SMARCA4: variants seen among roughly 807,000 people sequenced by gnomAD.
SMARCA4 encodes the protein SWI/SNF-related matrix-associated actin-dependent regulator of chromatin subfamily A member 4.
In SMARCA4, 31 loss-of-function variants were observed where a neutral mutation model predicts 193.9. The observed-to-expected ratio is 0.16, with a 90% CI of 0.12 to 0.22. SMARCA4 has a LOEUF of 0.22. SMARCA4 is among the 10% of genes least tolerant of loss of function. The pLI, the probability that SMARCA4 is intolerant of heterozygous loss-of-function variation, is 1.00. For missense variants in SMARCA4, 1,148 were observed against 2,296.0 expected, an observed-to-expected ratio of 0.50 and a Z score of 10.22; for synonymous variants, 942 against 933.1, an observed-to-expected ratio of 1.01 and a Z score of -0.17.
chr19:11,019,569 G>C lies in SMARCA4; in HGVS notation c.2506-22G>C, dbSNP rs1032557247. 2.6e-6 allele frequency: 4 copies of C among 1,562,430 alleles called. No homozygotes were observed. The African/African-American group carries it at 5.4e-5, about 21-fold the overall frequency. On this transcript the variant is annotated intron_variant, in intron 17 of 34. Coordinates refer to ENST00000344626, the MANE Select transcript of SMARCA4 (RefSeq NM_003072.5). The surrounding 1 kb of genome is among the most constrained non-coding windows in gnomAD (Gnocchi z 6.1). Reference sequence around the variant, plus strand: ...GCCACCCGGCTCCAAAAGCCGAGCTGTGCATCCTGCTTCCCTTGCAGGGAT... The same window carrying C: ...GCCACCCGGCTCCAAAAGCCGAGCTCTGCATCCTGCTTCCCTTGCAGGGAT...
chr19:11,024,689 C>A (rs773160992), intron 21 of SMARCA4, among the ~76,000 whole-genome samples: 51 of 152,182 alleles, frequency 3.4e-4, no homozygotes, highest in Non-Finnish European at 6.6e-4. Context: ...GCACTAACCC[C>A]AGCAGGGTTA....
rs926355262 is a variant in SMARCA4 at position 10,984,508 on chromosome 19, C to A, written c.222+135C>A. On this transcript the variant is annotated intron_variant, in intron 2 of 34. Coordinates refer to ENST00000344626, the MANE Select transcript of SMARCA4 (RefSeq NM_003072.5). This position sits in a 1 kb window ranked among gnomAD's most constrained non-coding sequence, Gnocchi z 4.3. The stretch of plus-strand genomic sequence containing the variant: ...GAGGTGTCCTGCCTTGGCTCAGCCC[C>A]CTACCCCAGGGCCCACGGCCATGAA... The A allele has an allele frequency of 1.7e-5, 25 of 1,468,644 alleles. No individual in the cohort carries two copies. The highest frequency in any genetic ancestry group is 7.5e-5 in the South Asian group (6 of 79,794). The allele number at this position is 1,468,644 out of a possible 1,614,324, so 91.0% of individuals were successfully genotyped here. A position where few individuals can be genotyped will look rare whatever the true frequency, so the allele number is the denominator to read the frequency against.
intron 13 of SMARCA4, among the ~76,000 whole-genome samples, chr19:11,007,371 A>G (rs1158657208): frequency 2.0e-5 from 3 of 150,058 alleles, no homozygotes; most frequent in Admixed American, 6.7e-5. Flanking sequence ...TGGAGGTTGC[A>G]CTGCGCCGAG....
At chr19:10,989,929 C>G (rs1480055957) in intron 7 of SMARCA4, among the ~76,000 whole-genome samples, 1 of 151,988 alleles carries the variant, frequency 6.6e-6, no homozygotes, top group African/African-American at 2.4e-5. Context: ...AACTCTTGAC[C>G]TCAAATGATC....
chr19:11,029,479 A>T (rs1026569138), intron 24 of SMARCA4, among the ~76,000 whole-genome samples: 6 of 152,220 alleles, frequency 3.9e-5, no homozygotes, highest in African/African-American at 1.4e-4. Flanking sequence ...GTCTCCTGAG[A>T]CTGCATCTCC....
At chr19:11,035,662 T>C (rs12460706) in intron 29 of SMARCA4, among the ~76,000 whole-genome samples, 57,595 of 152,108 alleles carry the variant, frequency 0.38, 11,214 homozygotes, top group East Asian at 0.57. Flanking sequence ...GGGCTGGCAG[T>C]TGCTTGTGGA....
intron 1 of SMARCA4, among the ~76,000 whole-genome samples, chr19:10,970,668 A>G (rs1310358148): frequency 6.6e-6 from 1 of 152,190 alleles, no homozygotes; most frequent in Non-Finnish European, 1.5e-5. Flanking sequence ...TGGCCTCCCA[A>G]AGCACTGTGC....
At chr19:10,964,306 T>C (rs549591090) in intron 1 of SMARCA4, among the ~76,000 whole-genome samples, 1 of 152,060 alleles carries the variant, frequency 6.6e-6, no homozygotes, top group Admixed American at 6.6e-5. Context: ...TGGAACTTTC[T>C]TTCTTTCTTT....
intron 21 of SMARCA4, among the ~76,000 whole-genome samples, chr19:11,025,193 C>A (rs923910638): frequency 1.3e-5 from 2 of 152,216 alleles, no homozygotes; most frequent in African/African-American, 4.8e-5. Flanking sequence ...TGGCCCTGTC[C>A]CTGCCATCTG....
chr19:10,995,070 C>G (rs2145946307), intron 9 of SMARCA4, 69 bp downstream of exon 9: 1 of 1,415,290 alleles, frequency 7.1e-7, no homozygotes, highest in South Asian at 1.2e-5. Flanking sequence ...CCAGGGGTCA[C>G]TCCCCAGGGT....
chr19:11,013,227 T>C, intron 16 of SMARCA4, 115 bp downstream of exon 16: 1 of 1,242,262 alleles, frequency 8.0e-7, no homozygotes, highest in Non-Finnish European at 1.1e-6. Context: ...CAGAAATTTG[T>C]TTTCCTGGAG....
chr19:10,970,166 G>A (rs924900849), intron 1 of SMARCA4, among the ~76,000 whole-genome samples: 1 of 152,184 alleles, frequency 6.6e-6, no homozygotes, highest in Non-Finnish European at 1.5e-5. Flanking sequence ...GAAAGACCAA[G>A]TGCTTAGAGG....
intron 1 of SMARCA4, among the ~76,000 whole-genome samples, chr19:10,978,540 G>A (rs2085313828): frequency 1.3e-5 from 2 of 151,780 alleles, no homozygotes; most frequent in Admixed American, 6.6e-5. Flanking sequence ...TACCATTTTG[G>A]TCAGGCTGGT....
At chr19:11,022,947 C>T (rs992671484) in intron 19 of SMARCA4, among the ~76,000 whole-genome samples, 7 of 152,172 alleles carry the variant, frequency 4.6e-5, no homozygotes, top group African/African-American at 9.7e-5. Flanking sequence ...AAAGTTTTGG[C>T]GTCGTCTCAT....
At chr19:11,053,451 CAA>C (rs34525605) in intron 30 of SMARCA4, among the ~76,000 whole-genome samples, 10 of 64,804 alleles carry the variant, frequency 1.5e-4, no homozygotes, top group Admixed American at 3.2e-4. Context: ...GACTCCGTCT[CAA>C]AAAAAAAAAA....
At chr19:10,993,899 C>A (rs916963842) in intron 8 of SMARCA4, among the ~76,000 whole-genome samples, 2 of 151,984 alleles carry the variant, frequency 1.3e-5, no homozygotes, top group Non-Finnish European at 2.9e-5. Context: ...ACTTCGGCCT[C>A]CCAAAGTGCT....
chr19:11,041,586 G>T lies in SMARCA4; in HGVS notation c.4424+26G>T. 1 of 1,606,390 alleles carries T rather than the reference G, an allele frequency of 6.2e-7. No homozygotes were observed. Among genetic ancestry groups the T allele is most frequent in the South Asian group, 1.1e-5 (1 of 90,940 alleles). On this transcript the variant is annotated intron_variant, in intron 30 of 34. Coordinates refer to ENST00000344626, the MANE Select transcript of SMARCA4 (RefSeq NM_003072.5). The surrounding 1 kb of genome is among the most constrained non-coding windows in gnomAD (Gnocchi z 5.6). Reference sequence around the variant, plus strand: ...GTAAGCGAGGAGGCGGGGAGGGCGGGGGCTGTAGGGGTCCCCGTGGGAGCA... The same window carrying T: ...GTAAGCGAGGAGGCGGGGAGGGCGGTGGCTGTAGGGGTCCCCGTGGGAGCA...
chr19:10,975,431 C>T (rs1417704357), intron 1 of SMARCA4, among the ~76,000 whole-genome samples: 1 of 151,704 alleles, frequency 6.6e-6, no homozygotes, highest in African/African-American at 2.4e-5. Context: ...CTTGCCTCAG[C>T]TTCCCGAATA....
Position 10,985,521 on chromosome 19 carries a change from C to A in SMARCA4, c.355+116C>A. ...CAGGGAGTACCTAGGATGATGTAGC[C>A]GGGTGGGTGGCCCGCCACAGAGAGC... On this transcript the variant is annotated intron_variant, in intron 3 of 34. Coordinates refer to ENST00000344626, the MANE Select transcript of SMARCA4 (RefSeq NM_003072.5). The surrounding 1 kb of genome is among the most constrained non-coding windows in gnomAD (Gnocchi z 4.5). 7.6e-7 allele frequency: 1 copy of A among 1,309,672 alleles called. No individual in the cohort carries two copies. Among genetic ancestry groups the A allele is most frequent in the Non-Finnish European group, 1.1e-6 (1 of 942,678 alleles). The allele number at this position is 1,309,672 out of a possible 1,614,324, so 81.1% of individuals were successfully genotyped here.
Sources: gnomAD v4.1 joint callset for allele counts (sites outside exome capture counted in the v4.1 genomes callset) on GRCh38, gnomAD v4.1.1 for gene constraint, Gnocchi (gnomAD v3.1) non-coding constraint, MANE v1.5 for transcripts, NCBI Gene and HGNC (gene_info 2026-07-23, HGNC 2026-07-21) for gene names.